Variants in MYO15A observed in about 807,000 individuals in gnomAD.
The protein encoded by MYO15A is unconventional myosin-XV.
Under a neutral mutation model 394.6 loss-of-function variants are expected in MYO15A, and 308 were observed. The observed-to-expected ratio is 0.78, with a 90% CI of 0.71 to 0.86. The LOEUF (loss-of-function observed/expected upper bound fraction) is 0.86, where lower values mean the gene tolerates loss of function less well. Ranked by LOEUF, MYO15A falls within the 40% of genes least tolerant of loss-of-function variation. The pLI is 0.00. For missense variants in MYO15A, 4,606 were observed against 4,799.1 expected (o/e 0.96, Z 1.19); for synonymous variants, 1,957 against 2,003.8 (o/e 0.98, Z 0.62).
At chr17:18,128,867 G>C (rs753172677) in intron 7 of MYO15A, among the ~76,000 whole-genome samples, 5 of 152,092 alleles carry the variant, frequency 3.3e-5, no homozygotes, top group Non-Finnish European at 5.9e-5. Flanking sequence ...TGTGGATGTG[G>C]CTGAGTCTGG....
At chr17:18,146,526 G>A (rs1224637412) in intron 30 of MYO15A, among the ~76,000 whole-genome samples, 2 of 152,200 alleles carry the variant, frequency 1.3e-5, no homozygotes, top group African/African-American at 2.4e-5. Flanking sequence ...CTGGGCTTTA[G>A]TTTCCTTACA....
Position 18,122,185 on chromosome 17 carries a change from C to T in MYO15A, c.3385C>T (p.Arg1129Ter), listed in dbSNP as rs748868741. 66 of 1,613,028 alleles carry T rather than the reference C, an allele frequency of 4.1e-5. No homozygotes were observed. Among genetic ancestry groups the T allele is most frequent in the Admixed American group, 2.7e-4 (16 of 60,014 alleles). The part of the protein sequence containing the change: ...PRVQKLSSFQ[R>*]VGPATLKPQV... ...TGTGCAGAAGCTGAGCTCTTTCCAG[C>T]GAGTTGGGCCTGCAACCCTGAAGCC... The change falls in exon 2 of 66, where the codon CGA (arginine) becomes TGA (stop). Residue 1129 changes from arginine (R) to a stop codon, truncating the protein, a stop_gained. Transcript: ENST00000647165. LOFTEE classifies it high-confidence loss of function.
chr17:18,144,428 C>T (rs1368333272), intron 28 of MYO15A, 69 bp from the exon 29 acceptor site: 5 of 1,391,678 alleles, frequency 3.6e-6, no homozygotes, highest in Non-Finnish European at 5.1e-6. Flanking sequence ...CCATGTGGCA[C>T]AGAGCAGTGG....
chr17:18,172,902 G>T, intron 64 of MYO15A, among the ~76,000 whole-genome samples: 1 of 152,172 alleles, frequency 6.6e-6, no homozygotes, highest in East Asian at 1.9e-4. Context: ...GAATTTGGTG[G>T]GGGACATAAT....
intron 7 of MYO15A, among the ~76,000 whole-genome samples, chr17:18,130,020 C>T (rs889311663): frequency 6.6e-6 from 1 of 152,200 alleles, no homozygotes; most frequent in South Asian, 2.1e-4. Context: ...GCTGGGACTA[C>T]AGGCGCCCAC....
At chr17:18,167,808 G>C (rs765818492) in intron 62 of MYO15A, 85 bp downstream of exon 62, 47 of 1,575,386 alleles carry the variant, frequency 3.0e-5, no homozygotes, top group Non-Finnish European at 3.9e-5. Context: ...AGAGCTGGCA[G>C]TCCCCAGGCC....
rs770031313 is a variant in MYO15A, at chr17:18,150,667, G to A, written c.7328-31G>A. The A allele has an allele frequency of 1.9e-6, 3 of 1,591,692 alleles. No individual in the cohort carries two copies. The highest frequency in any genetic ancestry group is 2.3e-5 in the South Asian group (2 of 88,600). On this transcript the variant is annotated intron_variant, in intron 36 of 65. Coordinates refer to ENST00000647165, the MANE Select transcript of MYO15A (RefSeq NM_016239.4). This position sits in a 1 kb window ranked among gnomAD's most constrained non-coding sequence, Gnocchi z 4.4. ...GGACAGGGAGGAGGGCATCTCCGGT[G>A]CCATCTGTGCCTTCTGCCCCCTCCC...
At chr17:18,144,077 G>T (rs2046433966) in intron 28 of MYO15A, 77 bp downstream of exon 28, 1 of 1,601,214 alleles carries the variant, frequency 6.2e-7, no homozygotes. Flanking sequence ...CCTTGCCCTG[G>T]GGCAGGCTCC....
chr17:18,118,862 C>A lies in MYO15A; in HGVS notation c.62C>A (p.Pro21Gln). Residue 21 changes from proline (P) to glutamine (Q), a missense_variant, in exon 2 of 66, where the codon CCG becomes CAG. Pro to Gln is a moderately conservative substitution (Grantham distance 76). Transcript: ENST00000647165. ...AKKGKKGKKAPEPEKPKRSLK... is the reference protein window; with the variant it reads ...AKKGKKGKKAQEPEKPKRSLK... ...AAAGGGAAGAAGGGGAAGAAGGCACCGGAGCCGGAGAAGCCCAAACGGAGC... is the reference window on the plus strand; with the variant it reads ...AAAGGGAAGAAGGGGAAGAAGGCACAGGAGCCGGAGAAGCCCAAACGGAGC... 6.2e-7 allele frequency: 1 copy of A among 1,612,868 alleles called. No individual in the cohort carries two copies. The highest frequency in any genetic ancestry group is 8.5e-7 in the Non-Finnish European group (1 of 1,179,510).
At chr17:18,178,393 T>G in intron 65 of MYO15A, 2 of 325,988 alleles carry the variant, frequency 6.1e-6, no homozygotes, top group Non-Finnish European at 1.2e-5. Flanking sequence ...AGAATTTACA[T>G]GCAATAAAGC....
At chr17:18,159,475 A>G (rs774785637) in intron 54 of MYO15A, 128 bp downstream of exon 54, 42 of 1,471,246 alleles carry the variant, frequency 2.9e-5, no homozygotes, top group Admixed American at 3.6e-5. Flanking sequence ...CATGGAACAC[A>G]TTTAAGAGAA....
At position 18,120,563 on chromosome 17, in the gene MYO15A, G is replaced by T; in HGVS notation, c.1763G>T (p.Arg588Leu). 1 of 1,598,582 alleles carries T rather than the reference G, an allele frequency of 6.3e-7. No homozygotes were observed. Among genetic ancestry groups the T allele is most frequent in the Non-Finnish European group, 8.5e-7 (1 of 1,174,668 alleles). The change falls in exon 2 of 66, where the codon CGG becomes CTG. Residue 588 changes from arginine to leucine, a missense_variant. Physicochemically the swap from Arg to Leu is moderately radical, Grantham distance 102. Around this residue, in one of 2 missense-constraint regions of MYO15A, gnomAD observed 1,830 missense variants for 1,689.7 expected, o/e 1.08. Coordinates refer to ENST00000647165, the MANE Select transcript of MYO15A (RefSeq NM_016239.4). Reference protein sequence around the residue: ...KTLSEKKPIARLRGSQKARAG... With the variant: ...KTLSEKKPIALLRGSQKARAG... ...CTGTCGGAGAAGAAGCCCATCGCGC[G>T]GCTCAGGGGCAGCCAGAAGGCCCGG...
chr17:18,129,718 A>G (rs1462216454), intron 7 of MYO15A, among the ~76,000 whole-genome samples: 1 of 152,154 alleles, frequency 6.6e-6, no homozygotes, highest in African/African-American at 2.4e-5. Context: ...AATCTGCAAA[A>G]CAGGGGTGAT....
In MYO15A at chr17:18,132,414, G is replaced by C; in HGVS notation, c.4207-39G>C. On this transcript the variant is annotated intron_variant, in intron 10 of 65. Coordinates refer to ENST00000647165, the MANE Select transcript of MYO15A (RefSeq NM_016239.4). The surrounding 1 kb of genome is among the most constrained non-coding windows in gnomAD (Gnocchi z 4.6). ...TGTGTGCCTGGGGGTCACCTAGGTAGGTGGCTCCCTTCTCTGTGCCCACCT... is the reference window on the plus strand; with the variant it reads ...TGTGTGCCTGGGGGTCACCTAGGTACGTGGCTCCCTTCTCTGTGCCCACCT... 1 of 1,552,740 alleles carries C rather than the reference G, an allele frequency of 6.4e-7. No individual in the cohort carries two copies. Among genetic ancestry groups the C allele is most frequent in the Non-Finnish European group, 8.9e-7 (1 of 1,125,632 alleles).
Position 18,141,157 on chromosome 17 carries a change from G to C in MYO15A, c.5531+14G>C, listed in dbSNP as rs377478503. On this transcript the variant is annotated intron_variant, in intron 22 of 65. Coordinates refer to ENST00000647165, the MANE Select transcript of MYO15A (RefSeq NM_016239.4). ...GTTCATCGACAGGTATCTTGGTTACGGTAGTTCCTGAGCTCTACAAATCCC... is the reference window on the plus strand; with the variant it reads ...GTTCATCGACAGGTATCTTGGTTACCGTAGTTCCTGAGCTCTACAAATCCC... 4.3e-6 allele frequency: 7 copies of C among 1,613,098 alleles called. No homozygotes were observed. Among genetic ancestry groups the C allele is most frequent in the Non-Finnish European group, 5.9e-6 (7 of 1,179,982 alleles).
At chr17:18,174,457 G>A (rs2046985594) in intron 65 of MYO15A, among the ~76,000 whole-genome samples, 2 of 151,920 alleles carry the variant, frequency 1.3e-5, no homozygotes, top group Admixed American at 6.6e-5. Flanking sequence ...CCTAGTCTCT[G>A]CAAAAATAAA....
chr17:18,155,521 G>A, intron 47 of MYO15A, 89 bp downstream of exon 47: 1 of 1,237,492 alleles, frequency 8.1e-7, no homozygotes, highest in Non-Finnish European at 1.2e-6. Context: ...CACTTACCAA[G>A]TACCCATGAT....
At position 18,142,810 on chromosome 17, in the gene MYO15A, C is replaced by T. The variant is rs201487604; in HGVS notation, c.5880C>T (p.His1960=). 2,524 of 1,613,458 alleles carry T rather than the reference C, an allele frequency of 1.6e-3. 9 individuals carry two copies. Among genetic ancestry groups the T allele is most frequent in the African/African-American group, 8.8e-3 (663 of 75,016 alleles). The change falls in exon 25 of 66, where the codon CAC becomes CAT. Residue 1960 remains histidine, a synonymous_variant. Coordinates refer to ENST00000647165, the MANE Select transcript of MYO15A (RefSeq NM_016239.4). ...RSLVKFRSLV[H]AYVSRRRYLK... ...TGGTGAAGTTCCGGTCCCTGGTACA[C>T]GCATACGTGAGCCGCCGACGCTATC...
chr17:18,140,559 C>T lies in MYO15A; in HGVS notation c.5254C>T (p.Pro1752Ser), dbSNP rs765916951. The T allele has an allele frequency of 6.2e-7, 1 of 1,613,622 alleles. No homozygotes were observed. The highest frequency in any genetic ancestry group is 8.5e-7 in the Non-Finnish European group (1 of 1,180,056). ...LFSSHAPQAAPQRLGKSSSVT... is the reference protein window; with the variant it reads ...LFSSHAPQAASQRLGKSSSVT... ...CTCCAGCCATGCCCCACAGGCTGCC[C>T]CTCAGCGCCTGGGCAAGAGCAGCTC... Residue 1752 changes from proline to serine, a missense_variant, in exon 20 of 66, where the codon CCT becomes TCT. This residue lies in a region of MYO15A where 2,776 missense variants were observed against 3,109.3 expected (regional missense o/e 0.89). Transcript: ENST00000647165.
Sources: gnomAD v4.1 joint callset for allele counts (sites outside exome capture counted in the v4.1 genomes callset) on GRCh38, gnomAD v4.1.1 for gene constraint, gnomAD v4.1.1 regional missense constraint, Gnocchi (gnomAD v3.1) non-coding constraint, MANE v1.5 for transcripts, NCBI Gene and HGNC (gene_info 2026-07-23, HGNC 2026-07-21) for gene names.